Variants in IL18R1 observed in about 807,000 individuals in gnomAD.
IL18R1 encodes the protein interleukin-18 receptor 1.
A neutral mutation model predicts 48.5 loss-of-function variants in IL18R1; 40 were observed. The ratio of observed to expected loss-of-function variants is 0.82; its 90% CI spans 0.64 to 1.07. The LOEUF is 1.07. Among genes scored for constraint, IL18R1 ranks in the 50% least tolerant of loss-of-function variants. The pLI is 0.00. For missense variants in IL18R1, 596 were observed against 633.7 expected (o/e 0.94, Z 0.64); for synonymous variants, 232 against 225.9 (o/e 1.03, Z -0.24).
intron 1 of IL18R1, 85 bp from the exon 2 acceptor site, chr2:102,362,548 G>A (rs1678638515): frequency 2.6e-6 from 2 of 780,194 alleles, no homozygotes; most frequent in Non-Finnish European, 4.0e-6. Context: ...AAAAATCTGT[G>A]TGCCAGAAGA....
Position 102,396,564 on chromosome 2 carries a change from A to G in IL18R1, c.1304A>G (p.Lys435Arg). The G allele has an allele frequency of 6.2e-7, 1 of 1,606,074 alleles. No individual in the cohort carries two copies. The highest frequency in any genetic ancestry group is 1.3e-5 in the African/African-American group (1 of 74,570). Residue 435 changes from lysine to arginine, a missense_variant, in exon 11 of 11, where the codon AAA becomes AGA. Lys to Arg is a conservative substitution (Grantham distance 26, BLOSUM62 2). Around this residue, in one of 3 missense-constraint regions of IL18R1, gnomAD observed 179 missense variants for 206.1 expected, o/e 0.87. Coordinates refer to ENST00000233957, the MANE Select transcript of IL18R1 (RefSeq NM_003855.5). ...GATGAAATCCACTCACTGATAGAGA[A>G]AAGCCGAAGACTAATCATTGTCCTA... ...VVDEIHSLIE[K>R]SRRLIIVLSK...
At chr2:102,357,671 G>A (rs1437496615) in intron 1 of IL18R1, among the ~76,000 whole-genome samples, 1 of 152,002 alleles carries the variant, frequency 6.6e-6, no homozygotes, top group East Asian at 1.9e-4. Flanking sequence ...GGCAAATACT[G>A]AGCCAAGTTG....
intron 4 of IL18R1, among the ~76,000 whole-genome samples, chr2:102,373,668 G>A (rs1453793577): frequency 3.9e-5 from 6 of 151,998 alleles, no homozygotes; most frequent in Middle Eastern, 6.8e-3. Context: ...CATACATAGC[G>A]TGTGTGAGTG....
chr2:102,395,474 T>TC (rs932097275), intron 10 of IL18R1, among the ~76,000 whole-genome samples: 10 of 151,960 alleles, frequency 6.6e-5, no homozygotes, highest in South Asian at 2.1e-4. Context: ...ATAGTTACAT[T>TC]CCCCCCCATA....
At chr2:102,361,430 T>C (rs1209148563) in intron 1 of IL18R1, among the ~76,000 whole-genome samples, 1 of 152,260 alleles carries the variant, frequency 6.6e-6, no homozygotes, top group Non-Finnish European at 1.5e-5. Context: ...CATTAAGCTT[T>C]ATCCTGGATT....
intron 10 of IL18R1, 70 bp downstream of exon 10, chr2:102,394,697 C>T (rs531904984): frequency 7.5e-7 from 1 of 1,341,854 alleles, no homozygotes; most frequent in East Asian, 2.4e-5. Flanking sequence ...AGCTAGCCCC[C>T]AGAGAGCTAT....
At chr2:102,358,839 A>G (rs914404742) in intron 1 of IL18R1, among the ~76,000 whole-genome samples, 1 of 152,218 alleles carries the variant, frequency 6.6e-6, no homozygotes, top group Non-Finnish European at 1.5e-5. Flanking sequence ...CAGATGTGCC[A>G]ATGGATCAGA....
At chr2:102,377,306 A>G (rs573502452) in intron 5 of IL18R1, among the ~76,000 whole-genome samples, 1 of 152,104 alleles carries the variant, frequency 6.6e-6, no homozygotes, top group African/African-American at 2.4e-5. Context: ...CGTTTCTTTT[A>G]TTTTTTTATT....
At chr2:102,368,555 G>C (rs1233063085) in intron 3 of IL18R1, among the ~76,000 whole-genome samples, 1 of 152,146 alleles carries the variant, frequency 6.6e-6, no homozygotes, top group African/African-American at 2.4e-5. Flanking sequence ...TGCTAGTGGA[G>C]GAAGTGTGTG....
chr2:102,357,980 G>C (rs1678351741), intron 1 of IL18R1, among the ~76,000 whole-genome samples: 1 of 150,142 alleles, frequency 6.7e-6, no homozygotes, highest in Non-Finnish European at 1.5e-5. Flanking sequence ...ACTATGCATG[G>C]AACACTGTAG....
At chr2:102,391,717 C>T (rs1680576838) in intron 9 of IL18R1, among the ~76,000 whole-genome samples, 1 of 152,192 alleles carries the variant, frequency 6.6e-6, no homozygotes. Context: ...TTTCCCATAA[C>T]CTTACCCACA....
intron 3 of IL18R1, among the ~76,000 whole-genome samples, chr2:102,369,641 G>A (rs1271665982): frequency 6.6e-6 from 1 of 152,198 alleles, no homozygotes; most frequent in Non-Finnish European, 1.5e-5. Flanking sequence ...AGCATAATTA[G>A]TAAGCAGTAT....
chr2:102,386,728 A>T, intron 7 of IL18R1, 133 bp from the exon 8 acceptor site: 1 of 886,892 alleles, frequency 1.1e-6, no homozygotes, highest in Non-Finnish European at 1.8e-6. Flanking sequence ...TCCATGCTTT[A>T]AGAGTACTGG....
Position 102,394,451 on chromosome 2 carries a change from G to A in IL18R1, c.1112-18G>A, listed in dbSNP as rs756924433. ...TTTTATTTACACATGAATTAAAAGA[G>A]CCAATCTTACCTCCTAGATGGAAAA... On this transcript the variant is annotated intron_variant, in intron 9 of 10. Coordinates refer to ENST00000233957, the MANE Select transcript of IL18R1 (RefSeq NM_003855.5). 2 of 1,582,948 alleles carry A rather than the reference G, an allele frequency of 1.3e-6. No homozygotes were observed. The highest frequency in any genetic ancestry group is 1.7e-4 in the Middle Eastern group (1 of 5,954).
chr2:102,362,756 G>A, intron 2 of IL18R1, 38 bp downstream of exon 2: 2 of 1,283,628 alleles, frequency 1.6e-6, no homozygotes, highest in Non-Finnish European at 1.1e-6. Context: ...TATTTCATGA[G>A]TAATTGAGGA....
At chr2:102,374,100 G>T (rs183635173) in intron 4 of IL18R1, 4 of 211,726 alleles carry the variant, frequency 1.9e-5, no homozygotes, top group South Asian at 1.2e-4. Context: ...ACCATTCCCC[G>T]CTCAACCCCT....
intron 10 of IL18R1, 90 bp downstream of exon 10, chr2:102,394,717 C>A: frequency 3.4e-6 from 4 of 1,160,314 alleles, no homozygotes; most frequent in Non-Finnish European, 4.7e-6. Context: ...TCCCATTTTC[C>A]TTAAAAACAA....
In IL18R1 at chr2:102,362,129, A is replaced by G. The variant is rs1488632447; in HGVS notation, c.-28-504A>G. Among the ~76,000 whole-genome samples the G allele has an allele frequency of 3.3e-5, 5 of 152,228 alleles. No homozygotes were observed. The East Asian group carries it at 9.6e-4, about 29-fold the overall frequency. On this transcript the variant is annotated intron_variant, in intron 1 of 10. Transcript: ENST00000233957. ...TAGACTTAGTGCCTAGAATTATGAAAGAATTATGAAACCTACGTTCTGAAG... is the reference window on the plus strand; with the variant it reads ...TAGACTTAGTGCCTAGAATTATGAAGGAATTATGAAACCTACGTTCTGAAG...
intron 4 of IL18R1, among the ~76,000 whole-genome samples, chr2:102,372,581 C>T (rs897355557): frequency 1.0e-4 from 15 of 144,622 alleles, no homozygotes; most frequent in African/African-American, 3.8e-4. Context: ...GCAAAAATCA[C>T]TCATAAATCC....
Sources: gnomAD v4.1 joint callset for allele counts (sites outside exome capture counted in the v4.1 genomes callset) on GRCh38, gnomAD v4.1.1 for gene constraint, gnomAD v4.1.1 regional missense constraint, MANE v1.5 for transcripts, NCBI Gene and HGNC (gene_info 2026-07-23, HGNC 2026-07-21) for gene names.